The following RPS6KC1 variants were observed in gnomAD, a reference collection of about 807,000 sequenced individuals.
The protein encoded by RPS6KC1 is ribosomal protein S6 kinase C1, also known as inactive ribosomal protein S6 kinase delta-1.
Under a neutral mutation model 103.8 loss-of-function variants are expected in RPS6KC1, and 54 were observed. The observed-to-expected ratio is 0.52, with a 90% CI of 0.42 to 0.65. The LOEUF (loss-of-function observed/expected upper bound fraction) is 0.65, where lower values mean the gene tolerates loss of function less well. Among genes scored for constraint, RPS6KC1 ranks in the 30% least tolerant of loss-of-function variants. The pLI is 0.00. For missense variants in RPS6KC1, 1,151 were observed against 1,253.8 expected, an observed-to-expected ratio of 0.92 and a Z score of 1.24; for synonymous variants, 439 against 438.7, an observed-to-expected ratio of 1.00 and a Z score of -0.01.
chr1:213,448,088 A>G, the RPS6KC1 span, among the ~76,000 whole-genome samples: 1 of 151,954 alleles, frequency 6.6e-6, no homozygotes, highest in South Asian at 2.1e-4. Context: ...AAATAAAAAA[A>G]TTGGCTAGGT....
At chr1:213,599,402 G>T in the RPS6KC1 span, among the ~76,000 whole-genome samples, 1 of 139,006 alleles carries the variant, frequency 7.2e-6, no homozygotes, top group African/African-American at 2.7e-5. Context: ...AGCACCAGAA[G>T]AATCATACCC....
At chr1:213,342,659 A>G in the RPS6KC1 span, among the ~76,000 whole-genome samples, 1 of 152,160 alleles carries the variant, frequency 6.6e-6, no homozygotes, top group Non-Finnish European at 1.5e-5. Context: ...TGCTATCAGA[A>G]GAAAGTCATC....
At chr1:213,385,499 A>G in the RPS6KC1 span, among the ~76,000 whole-genome samples, 1 of 152,276 alleles carries the variant, frequency 6.6e-6, no homozygotes, top group East Asian at 1.9e-4. Context: ...GTATGGTAAC[A>G]TTGACGTGGT....
the RPS6KC1 span, among the ~76,000 whole-genome samples, chr1:213,333,357 A>G: frequency 1.3e-5 from 2 of 152,212 alleles, no homozygotes; most frequent in Non-Finnish European, 2.9e-5. Flanking sequence ...GAGTTAAGGG[A>G]GAACCCTGAT....
chr1:213,250,978 C>T (rs2094534879), intron 12 of RPS6KC1, among the ~76,000 whole-genome samples: 1 of 152,062 alleles, frequency 6.6e-6, no homozygotes, highest in African/African-American at 2.4e-5. Context: ...CAAATAGAAC[C>T]AGCTTACAAA....
At chr1:213,202,069 A>T (rs989117905) in intron 8 of RPS6KC1, among the ~76,000 whole-genome samples, 2 of 152,192 alleles carry the variant, frequency 1.3e-5, no homozygotes, top group Non-Finnish European at 2.9e-5. Flanking sequence ...TTGCAGATAA[A>T]AAACCTGAAG....
the RPS6KC1 span, among the ~76,000 whole-genome samples, chr1:213,513,213 C>A: frequency 2.6e-5 from 4 of 152,056 alleles, no homozygotes; most frequent in African/African-American, 9.7e-5. Flanking sequence ...GAATGTGGCA[C>A]CTCTAGAAGT....
the RPS6KC1 span, among the ~76,000 whole-genome samples, chr1:213,395,645 T>C: frequency 6.6e-6 from 1 of 152,248 alleles, no homozygotes; most frequent in Non-Finnish European, 1.5e-5. Flanking sequence ...ATTTCTGTAG[T>C]GTAAATACTC....
chr1:213,233,079 A>AT (rs1338291664), intron 10 of RPS6KC1, among the ~76,000 whole-genome samples: 1 of 152,134 alleles, frequency 6.6e-6, no homozygotes, highest in African/African-American at 2.4e-5. Context: ...ATTTAATATA[A>AT]TTTTTTAGGA....
chr1:213,100,283 A>G (rs932526470), intron 3 of RPS6KC1, among the ~76,000 whole-genome samples: 1 of 151,462 alleles, frequency 6.6e-6, no homozygotes, highest in African/African-American at 2.4e-5. Flanking sequence ...ATCTGTTTAC[A>G]TCTTTTGTCT....
At chr1:213,270,969 A>G (rs1317890665) in intron 14 of RPS6KC1, among the ~76,000 whole-genome samples, 1 of 152,238 alleles carries the variant, frequency 6.6e-6, no homozygotes, top group African/African-American at 2.4e-5. Flanking sequence ...ATCCTCATAC[A>G]TAAAGGTTTG....
At chr1:213,426,049 G>T in the RPS6KC1 span, among the ~76,000 whole-genome samples, 1 of 152,116 alleles carries the variant, frequency 6.6e-6, no homozygotes, top group African/African-American at 2.4e-5. Context: ...CTTCTTCTGT[G>T]GTTGAGCCCC....
intron 2 of RPS6KC1, 113 bp from the exon 3 acceptor site, chr1:213,077,583 A>C: frequency 1.8e-6 from 1 of 542,604 alleles, no homozygotes; most frequent in Non-Finnish European, 3.2e-6. Flanking sequence ...TGTTTAGGAC[A>C]TGTGTTTGCC....
At chr1:213,368,106 G>A in the RPS6KC1 span, among the ~76,000 whole-genome samples, 7 of 152,234 alleles carry the variant, frequency 4.6e-5, no homozygotes, top group Non-Finnish European at 1.0e-4. Flanking sequence ...GGCATAGGCC[G>A]CTAGTGGCCT....
chr1:213,517,800 C>T, the RPS6KC1 span, among the ~76,000 whole-genome samples: 1 of 152,130 alleles, frequency 6.6e-6, no homozygotes, highest in Non-Finnish European at 1.5e-5. Flanking sequence ...CTTTCTGTCT[C>T]GTCGATCTGT....
the RPS6KC1 span, among the ~76,000 whole-genome samples, chr1:213,839,269 G>A: frequency 6.6e-6 from 1 of 152,192 alleles, no homozygotes; most frequent in Non-Finnish European, 1.5e-5. Flanking sequence ...GATGCACAGA[G>A]GTGTCAGTTT....
the RPS6KC1 span, among the ~76,000 whole-genome samples, chr1:213,440,391 C>T: frequency 6.6e-6 from 1 of 152,034 alleles, no homozygotes; most frequent in Non-Finnish European, 1.5e-5. Context: ...TCTCTTTTCT[C>T]CTAGTTTGAG....
chr1:213,462,561 A>G, the RPS6KC1 span, among the ~76,000 whole-genome samples: 1 of 152,240 alleles, frequency 6.6e-6, no homozygotes, highest in African/African-American at 2.4e-5. Flanking sequence ...ATACCATGGA[A>G]TACTATGCAG....
chr1:213,242,233 T>C lies in RPS6KC1; in HGVS notation c.2757T>C (p.Ala919=). Residue 919 remains alanine (A), a synonymous_variant, in exon 11 of 15, where the codon GCT becomes GCC. Coordinates refer to ENST00000366960, the MANE Select transcript of RPS6KC1 (RefSeq NM_012424.6). ...CTGAAATGGTGGTAGCCCTTGATGC[T>C]TTACATAGAGAGGGAATTGTGTGCC... is the stretch of plus-strand genomic sequence containing the variant. ...WAAEMVVALD[A]LHREGIVCRD... 1.2e-6 allele frequency: 2 copies of C among 1,613,954 alleles called. No homozygotes were observed. The highest frequency in any genetic ancestry group is 1.7e-6 in the Non-Finnish European group (2 of 1,179,896).
Sources: allele counts gnomAD v4.1 joint callset (sites outside exome capture counted in the v4.1 genomes callset), GRCh38; gene constraint gnomAD v4.1.1; transcripts MANE v1.5; gene names NCBI Gene and HGNC (gene_info 2026-07-23, HGNC 2026-07-21).